Variants in UGT2B11 observed in about 807,000 individuals in gnomAD.
The protein encoded by UGT2B11 is UDP glucuronosyltransferase family 2 member B11.
A neutral mutation model predicts 51.7 loss-of-function variants in UGT2B11; 49 were observed. The ratio of observed to expected loss-of-function variants is 0.95; its 90% CI spans 0.75 to 1.20. UGT2B11 has a LOEUF of 1.20. Among genes scored for constraint, UGT2B11 ranks in the 50% most tolerant of loss-of-function variants. The pLI is 0.00. For synonymous variants in UGT2B11, 273 were observed against 209.0 expected (o/e 1.31, Z -2.64); for missense variants, 810 against 622.1 (o/e 1.30, Z -3.21).
At chr4:69,221,190 T>C in the UGT2B11 span, among the ~76,000 whole-genome samples, 1 of 152,170 alleles carries the variant, frequency 6.6e-6, no homozygotes, top group African/African-American at 2.4e-5. Flanking sequence ...ATATCACAGA[T>C]GAAAAAAATG....
chr4:69,222,704 C>T, the UGT2B11 span, among the ~76,000 whole-genome samples: 6 of 152,292 alleles, frequency 3.9e-5, no homozygotes, highest in South Asian at 1.2e-3. Flanking sequence ...CCAATTCTTG[C>T]AGGACATCTA....
Position 69,200,580 on chromosome 4 carries a change from T to C in UGT2B11, c.1450A>G (p.Thr484Ala). 6.2e-7 allele frequency: 1 copy of C among 1,612,436 alleles called. No homozygotes were observed. Among genetic ancestry groups the C allele is most frequent in the Non-Finnish European group, 8.5e-7 (1 of 1,179,026 alleles). ...TCCAAAGAGTGGTACTGGAACCAGG[T>C]GAGGTCATGGGCTGCAACTCGAAGG... ...KHLRVAAHDL[T>A]WFQYHSLDVI... The change falls in exon 6 of 6, where the codon ACC (threonine) becomes GCC (alanine). Residue 484 changes from threonine to alanine, a missense_variant. Coordinates refer to ENST00000446444, the MANE Select transcript of UGT2B11 (RefSeq NM_001073.3).
At chr4:69,204,257 T>C (rs1721765475) in intron 5 of UGT2B11, 173 bp downstream of exon 5, 2 of 1,105,210 alleles carry the variant, frequency 1.8e-6, no homozygotes, top group East Asian at 5.3e-5. Flanking sequence ...TGTATGGGAT[T>C]CAAACACAAT....
chr4:69,214,003 T>A lies in UGT2B11; in HGVS notation c.720A>T (p.Leu240Phe). 5 of 1,560,300 alleles carry A rather than the reference T, an allele frequency of 3.2e-6. No individual in the cohort carries two copies. Among genetic ancestry groups the A allele is most frequent in the Non-Finnish European group, 4.3e-6 (5 of 1,157,346 alleles). ...KKWDQFYSEV[L>F]GRPTTLFETM... Reference sequence around the variant, plus strand: ...GTTACCGATTAAACAAATTCTTACCTAAAACTTCACTGTAAAACTGATCCC... The same window carrying A: ...GTTACCGATTAAACAAATTCTTACCAAAAACTTCACTGTAAAACTGATCCC... The change falls in exon 1 of 6, where the codon TTA becomes TTT. Residue 240 changes from leucine to phenylalanine, a missense_variant and splice_region_variant. Coordinates refer to ENST00000446444, the MANE Select transcript of UGT2B11 (RefSeq NM_001073.3).
chr4:69,224,914 G>A, the UGT2B11 span, among the ~76,000 whole-genome samples: 3 of 152,136 alleles, frequency 2.0e-5, no homozygotes, highest in African/African-American at 4.8e-5. Flanking sequence ...ACCAGAGCCA[G>A]AAACAAAGAC....
the UGT2B11 span, among the ~76,000 whole-genome samples, chr4:69,224,606 G>A: frequency 1.3e-5 from 2 of 152,088 alleles, no homozygotes; most frequent in Non-Finnish European, 2.9e-5. Flanking sequence ...TACTCACCAC[G>A]TGACGATGTA....
At chr4:69,222,745 C>G in the UGT2B11 span, among the ~76,000 whole-genome samples, 1 of 152,316 alleles carries the variant, frequency 6.6e-6, no homozygotes, top group Admixed American at 6.5e-5. Context: ...GAGAATTTCC[C>G]TAAATTTGCC....
chr4:69,205,680 C>G, intron 3 of UGT2B11, 113 bp from the exon 4 acceptor site: 1 of 1,189,354 alleles, frequency 8.4e-7, no homozygotes, highest in Non-Finnish European at 1.2e-6. Context: ...AATAAATCTA[C>G]TCAAAGATTG....
intron 4 of UGT2B11, 97 bp downstream of exon 4, chr4:69,205,383 T>C (rs1371512742): frequency 8.1e-6 from 12 of 1,477,438 alleles, no homozygotes. Flanking sequence ...AGAAGTTCTT[T>C]TTTGTTTTCC....
chr4:69,221,502 G>A, the UGT2B11 span, among the ~76,000 whole-genome samples: 22 of 152,140 alleles, frequency 1.4e-4, no homozygotes, highest in Non-Finnish European at 2.6e-4. Flanking sequence ...TTCAAGTAGG[G>A]GACAACAAAT....
Position 69,214,222 on chromosome 4 carries a change from C to G in UGT2B11, c.501G>C (p.Arg167=), listed in dbSNP as rs772520065. 3.2e-5 allele frequency: 52 copies of G among 1,613,052 alleles called. No individual in the cohort carries two copies. In the East Asian group the frequency reaches 6.9e-4, roughly 21 times the overall value. ...GELLAALLNI[R]FVYSLRFTPG... The stretch of plus-strand genomic sequence containing the variant: ...GAGTAAAGCGGAGACTGTACACAAA[C>G]CGTATGTTAAGTAGCGCAGCCAGCA... Residue 167 remains arginine (R), a synonymous_variant, in exon 1 of 6, where the codon CGG becomes CGC. Coordinates refer to ENST00000446444, the MANE Select transcript of UGT2B11 (RefSeq NM_001073.3).
Position 69,205,585 on chromosome 4 carries a change from A to G in UGT2B11, c.1003-18T>C, listed in dbSNP as rs189921152. 6.2e-7 allele frequency: 1 copy of G among 1,607,424 alleles called. No homozygotes were observed. The highest frequency in any genetic ancestry group is 1.1e-5 in the South Asian group (1 of 90,634). On this transcript the variant is annotated intron_variant, in intron 3 of 5. Transcript: ENST00000446444. ...CACAGAACCTGTTACAGTAAAGAGA[A>G]TATCTTATTCCATGAGTGGAACTCA...
chr4:69,206,662 A>T (rs1721869294), intron 3 of UGT2B11, among the ~76,000 whole-genome samples: 1 of 151,684 alleles, frequency 6.6e-6, no homozygotes, highest in Non-Finnish European at 1.5e-5. Flanking sequence ...AATTTAAAAA[A>T]TAAAAATATT....
At chr4:69,222,130 C>T in the UGT2B11 span, among the ~76,000 whole-genome samples, 1 of 152,268 alleles carries the variant, frequency 6.6e-6, no homozygotes, top group Non-Finnish European at 1.5e-5. Flanking sequence ...CCCTTTTGGC[C>T]TGTTCCTCTT....
chr4:69,219,750 T>C, the UGT2B11 span, among the ~76,000 whole-genome samples: 980 of 152,112 alleles, frequency 6.4e-3, 9 homozygotes, highest in African/African-American at 0.022. Flanking sequence ...ATGGGAAAAA[T>C]GCGCTACAAT....
At position 69,205,523 on chromosome 4, in the gene UGT2B11, G is replaced by C. The variant is rs1354270967; in HGVS notation, c.1047C>G (p.Leu349=). The change falls in exon 4 of 6, where the codon CTC becomes CTG. Residue 349 remains leucine (L), a synonymous_variant. Coordinates refer to ENST00000446444, the MANE Select transcript of UGT2B11 (RefSeq NM_001073.3). ...GTATCCACTTGTACAGCCGAGTATT[G>C]AGACCTAAGGCATCTGGTTTATTCC... ...FDGNKPDALG[L]NTRLYKWIPQ... is the part of the protein sequence containing the mutation. 6.2e-7 allele frequency: 1 copy of C among 1,610,572 alleles called. No homozygotes were observed. Among genetic ancestry groups the C allele is most frequent in the Non-Finnish European group, 8.5e-7 (1 of 1,177,890 alleles).
chr4:69,223,759 C>G, the UGT2B11 span, among the ~76,000 whole-genome samples: 1 of 152,176 alleles, frequency 6.6e-6, no homozygotes, highest in East Asian at 1.9e-4. Flanking sequence ...TCCCCACTTC[C>G]CATCAAAGGA....
chr4:69,223,389 G>C, the UGT2B11 span, among the ~76,000 whole-genome samples: 1 of 152,176 alleles, frequency 6.6e-6, no homozygotes, highest in African/African-American at 2.4e-5. Context: ...TGTGCTCAAA[G>C]CTCATGGCCA....
At chr4:69,210,868 T>C (rs1560539736) in intron 2 of UGT2B11, among the ~76,000 whole-genome samples, 2 of 151,800 alleles carry the variant, frequency 1.3e-5, no homozygotes, top group East Asian at 3.9e-4. Context: ...GAATGCTTAC[T>C]TTGTACATAT....
Sources: allele counts gnomAD v4.1 joint callset (sites outside exome capture counted in the v4.1 genomes callset), GRCh38; gene constraint gnomAD v4.1.1; transcripts MANE v1.5; gene names NCBI Gene and HGNC (gene_info 2026-07-23, HGNC 2026-07-21).